Variants in RASA3 observed in about 807,000 individuals in gnomAD.
RASA3 encodes ras GTPase-activating protein 3.
A neutral mutation model predicts 110.0 loss-of-function variants in RASA3; 73 were observed. The ratio of observed to expected loss-of-function variants is 0.66; its 90% confidence interval spans 0.55 to 0.81. The LOEUF (loss-of-function observed/expected upper bound fraction) is 0.81. Among genes scored for constraint, RASA3 ranks in the 30% least tolerant of loss-of-function variants. The pLI is 0.00. For missense variants in RASA3, 976 were observed against 1,113.2 expected (o/e 0.88, Z 1.75); for synonymous variants, 500 against 451.4 (o/e 1.11, Z -1.37).
At chr13:114,049,872 C>T (rs555045082) in intron 3 of RASA3, among the ~76,000 whole-genome samples, 23 of 152,234 alleles carry the variant, frequency 1.5e-4, no homozygotes, top group Non-Finnish European at 2.8e-4. Context: ...GCAAGAGAAC[C>T]ACAACCAACG....
chr13:114,013,333 G>T (rs574534573), intron 14 of RASA3, 85 bp from the exon 15 acceptor site: 5 of 945,978 alleles, frequency 5.3e-6, no homozygotes, highest in South Asian at 1.6e-5. Context: ...CTGAGGGTCC[G>T]CAGGGAAGTC....
chr13:114,015,726 T>G (rs885584), intron 13 of RASA3, among the ~76,000 whole-genome samples: 106,743 of 152,182 alleles, frequency 0.7, 38,173 homozygotes, highest in African/African-American at 0.85. Context: ...TCAGGGAGTT[T>G]TGCTGTTTTA....
intron 2 of RASA3, among the ~76,000 whole-genome samples, chr13:114,058,592 C>T (rs1361961152): frequency 6.6e-6 from 1 of 152,272 alleles, no homozygotes; most frequent in Non-Finnish European, 1.5e-5. Flanking sequence ...ATCTCCTTCC[C>T]TCTCAGAGCA....
At chr13:114,029,662 T>C in intron 5 of RASA3, 149 bp downstream of exon 5, 2 of 701,632 alleles carry the variant, frequency 2.9e-6, no homozygotes, top group Admixed American at 2.1e-5. Flanking sequence ...AGCATCATCC[T>C]GGTGGGCCAG....
intron 2 of RASA3, among the ~76,000 whole-genome samples, chr13:114,068,919 G>C (rs952950418): frequency 1.3e-5 from 2 of 152,214 alleles, no homozygotes; most frequent in Admixed American, 6.5e-5. Flanking sequence ...ACCTGTGACA[G>C]ACACTGCCCT....
chr13:113,980,654 G>A (rs1038533630), intron 23 of RASA3, among the ~76,000 whole-genome samples: 2 of 152,274 alleles, frequency 1.3e-5, no homozygotes, highest in African/African-American at 4.8e-5. Flanking sequence ...TGTCTCCCCA[G>A]AAGGGTGTCG....
chr13:113,979,352 T>A lies in RASA3; in HGVS notation c.2500A>T (p.Ile834Phe). 1 of 1,595,194 alleles carries A rather than the reference T, an allele frequency of 6.3e-7. No homozygotes were observed. The highest frequency in any genetic ancestry group is 8.6e-7 in the Non-Finnish European group (1 of 1,163,058). ...CTGGGCGCGTCCCGCAGACTTTAAA[T>A]GGAATGAGTGGAGGTCTCGGACTGC... Reference protein sequence around the residue: ...RQQSETSTHSI With the variant: ...RQQSETSTHSF The change falls in exon 24 of 24, where the codon ATT becomes TTT. Residue 834 changes from isoleucine (I) to phenylalanine (F), a missense_variant. Physicochemically the swap from Ile to Phe is conservative, Grantham distance 21. This residue lies in a region of RASA3 where 132 missense variants were observed against 152.8 expected (regional missense o/e 0.86). Transcript: ENST00000334062.
chr13:114,101,585 T>C lies in RASA3; in HGVS notation c.56-27748A>G, dbSNP rs192384485. Among the ~76,000 whole-genome samples, 96 of 152,372 alleles carry C rather than the reference T, an allele frequency of 6.3e-4. No individual in the cohort carries two copies. The East Asian group carries it at 0.01, about 16-fold the overall frequency. On this transcript the variant is annotated intron_variant, in intron 1 of 23. Coordinates refer to ENST00000334062, the MANE Select transcript of RASA3 (RefSeq NM_007368.4). ...CACTGCACGCCGGAGATCCGGGCTT[T>C]CCTTGGCAAACACGCTTGGCTGTCC...
intron 22 of RASA3, 41 bp downstream of exon 22, chr13:113,992,444 C>T (rs747915162): frequency 3.4e-5 from 53 of 1,536,378 alleles, no homozygotes; most frequent in Non-Finnish European, 4.6e-5. Flanking sequence ...CCTCGCCAGC[C>T]ATCCCCTCGC....
chr13:114,004,715 C>T (rs1219262744), intron 18 of RASA3, among the ~76,000 whole-genome samples: 1 of 152,088 alleles, frequency 6.6e-6, no homozygotes, highest in Non-Finnish European at 1.5e-5. Context: ...TTAAGGAAAC[C>T]CACGGAGATT....
At chr13:114,019,644 G>A (rs1268872864) in intron 9 of RASA3, among the ~76,000 whole-genome samples, 3 of 151,556 alleles carry the variant, frequency 2.0e-5, no homozygotes, top group African/African-American at 7.3e-5. Flanking sequence ...GGTAGGTGGA[G>A]CCTGTGTCCG....
chr13:114,110,643 C>T (rs1460387223), intron 1 of RASA3, among the ~76,000 whole-genome samples: 3 of 152,240 alleles, frequency 2.0e-5, no homozygotes, highest in African/African-American at 7.2e-5. Context: ...GCAACAAACA[C>T]AACAAGCTTC....
intron 2 of RASA3, among the ~76,000 whole-genome samples, chr13:114,054,728 C>T (rs1034019240): frequency 5.9e-5 from 9 of 152,242 alleles, no homozygotes; most frequent in African/African-American, 2.2e-4. Flanking sequence ...AGAAACATCA[C>T]TTTATCTTTC....
intron 1 of RASA3, among the ~76,000 whole-genome samples, chr13:114,097,184 T>A (rs2079957888): frequency 6.6e-6 from 1 of 152,242 alleles, no homozygotes; most frequent in Non-Finnish European, 1.5e-5. Flanking sequence ...TCTTTAGAGC[T>A]AACTGGGAAC....
At chr13:113,999,540 G>A (rs747687710) in intron 20 of RASA3, 45 bp downstream of exon 20, 1 of 1,514,564 alleles carries the variant, frequency 6.6e-7, no homozygotes, top group South Asian at 1.1e-5. Flanking sequence ...AGAAAACCTG[G>A]CCAGGCCTCA....
At chr13:114,041,994 G>A (rs2054419546) in intron 3 of RASA3, among the ~76,000 whole-genome samples, 1 of 152,234 alleles carries the variant, frequency 6.6e-6, no homozygotes, top group South Asian at 2.1e-4. Context: ...AGTTTCCCGT[G>A]CCTTAAACAG....
At chr13:114,013,944 ATCTCTCTGTCTCTC>A (rs2053725634) in intron 14 of RASA3, among the ~76,000 whole-genome samples, 1 of 28,918 alleles carries the variant, frequency 3.5e-5, no homozygotes, top group Non-Finnish European at 7.0e-5. Context: ...CCCTGTCTCT[ATCTCTCTGTCTCTC>A]TCTCTCTCTC....
intron 2 of RASA3, among the ~76,000 whole-genome samples, chr13:114,072,531 CCT>C (rs1332224886): frequency 6.6e-6 from 1 of 152,150 alleles, no homozygotes; most frequent in Non-Finnish European, 1.5e-5. Context: ...AGTATTTCCC[CCT>C]CTCGAAATCC....
chr13:114,015,647 A>G (rs1468243362), intron 13 of RASA3, among the ~76,000 whole-genome samples: 1 of 152,256 alleles, frequency 6.6e-6, no homozygotes, highest in African/African-American at 2.4e-5. Flanking sequence ...TACATACAGA[A>G]ATGACGAAAC....
Sources: gnomAD v4.1 joint callset for allele counts (sites outside exome capture counted in the v4.1 genomes callset) on GRCh38, gnomAD v4.1.1 for gene constraint, gnomAD v4.1.1 regional missense constraint, MANE v1.5 for transcripts, NCBI Gene and HGNC (gene_info 2026-07-23, HGNC 2026-07-21) for gene names.